Variants in MTO1 observed in about 807,000 individuals in gnomAD.
MTO1 encodes the protein 5-taurinomethyluridine-[tRNA] synthase subunit MTO1, mitochondrial.
MTO1 carries 46 observed loss-of-function variants against 71.6 expected under a neutral mutation model. The observed-to-expected ratio is 0.64, with a 90% CI of 0.51 to 0.82. The LOEUF (loss-of-function observed/expected upper bound fraction) is 0.82, where lower values mean the gene tolerates loss of function less well. Among genes scored for constraint, MTO1 ranks in the 40% least tolerant of loss-of-function variants. The pLI is 0.00. For synonymous variants in MTO1, 297 were observed against 312.1 expected (o/e 0.95, Z 0.51); for missense variants, 773 against 867.5 (o/e 0.89, Z 1.37).
At position 73,461,974 on chromosome 6, in the gene MTO1, A is replaced by C; in HGVS notation, c.120A>C (p.Ile40=). 2 of 1,614,198 alleles carry C rather than the reference A, an allele frequency of 1.2e-6. No homozygotes were observed. Among genetic ancestry groups the C allele is most frequent in the African/African-American group, 2.7e-5 (2 of 75,064 alleles). Residue 40 remains isoleucine (I), a synonymous_variant, in exon 1 of 12, where the codon ATA becomes ATC. Transcript: ENST00000498286. The stretch of plus-strand genomic sequence containing the variant: ...CCCGGACTCCGCACTTCGACGTGAT[A>C]GTCATTGGTGGAGGACATGCCGGGA... ...AAPRTPHFDV[I]VIGGGHAGTE... is the part of the protein sequence containing the mutation.
At chr6:73,491,396 C>CAA (rs1223217073) in intron 9 of MTO1, among the ~76,000 whole-genome samples, 37 of 133,734 alleles carry the variant, frequency 2.8e-4, no homozygotes, top group East Asian at 1.1e-3. Flanking sequence ...CCTGTCTCTA[C>CAA]AAAAAAAAAA....
chr6:73,480,218 G>A (rs965899342), intron 6 of MTO1, 92 bp downstream of exon 6: 1 of 1,271,912 alleles, frequency 7.9e-7, no homozygotes, highest in Non-Finnish European at 1.1e-6. Context: ...GTTGTTCAGA[G>A]CCTCAGAAGA....
chr6:73,480,384 C>A, intron 6 of MTO1: 1 of 651,848 alleles, frequency 1.5e-6, no homozygotes, highest in Non-Finnish European at 2.8e-6. Context: ...GATTCTTCTG[C>A]CTCAGCCTCC....
intron 9 of MTO1, among the ~76,000 whole-genome samples, chr6:73,486,046 T>C (rs994631366): frequency 9.2e-5 from 14 of 152,202 alleles, no homozygotes; most frequent in Non-Finnish European, 4.4e-5. Context: ...TGCTAACTTA[T>C]CCATTCTTTG....
intron 9 of MTO1, among the ~76,000 whole-genome samples, chr6:73,485,597 C>T (rs1289879237): frequency 6.6e-6 from 1 of 152,126 alleles, no homozygotes; most frequent in Non-Finnish European, 1.5e-5. Context: ...TGCCACCATG[C>T]CTGGCTAATT....
chr6:73,471,399 T>G, intron 3 of MTO1: 1 of 449,860 alleles, frequency 2.2e-6, no homozygotes, highest in Non-Finnish European at 4.4e-6. Context: ...AGTATTTATG[T>G]TTATACCCTT....
chr6:73,487,355 C>T (rs559674881), intron 9 of MTO1, among the ~76,000 whole-genome samples: 1 of 151,864 alleles, frequency 6.6e-6, no homozygotes, highest in Admixed American at 6.6e-5. Flanking sequence ...GTAATCCCAG[C>T]TACTTTTTGT....
chr6:73,472,154 T>C (rs1321580365), intron 3 of MTO1, among the ~76,000 whole-genome samples: 1 of 152,220 alleles, frequency 6.6e-6, no homozygotes, highest in Non-Finnish European at 1.5e-5. Flanking sequence ...CTCATTGATA[T>C]ATCTTCTCTT....
At chr6:73,480,864 T>C in intron 7 of MTO1, 59 bp downstream of exon 7, 2 of 1,554,470 alleles carry the variant, frequency 1.3e-6, no homozygotes, top group South Asian at 2.3e-5. Flanking sequence ...TATTTCTCCT[T>C]TTAATGTCTG....
chr6:73,477,778 AT>A (rs2150034366), intron 4 of MTO1, among the ~76,000 whole-genome samples: 1 of 151,710 alleles, frequency 6.6e-6, no homozygotes, highest in South Asian at 2.1e-4. Flanking sequence ...AAGTGCTGGG[AT>A]TACAAGTATG....
intron 10 of MTO1, among the ~76,000 whole-genome samples, chr6:73,492,994 A>G (rs200065238): frequency 0.63 from 40,106 of 63,418 alleles, 10,491 homozygotes; most frequent in Non-Finnish European, 0.68. Flanking sequence ...GTGTGTGTGT[A>G]TTTTTTTTTT....
At chr6:73,494,998 G>T (rs1030183328) in intron 10 of MTO1, among the ~76,000 whole-genome samples, 1 of 151,940 alleles carries the variant, frequency 6.6e-6, no homozygotes, top group Admixed American at 6.6e-5. Context: ...GGCCAGGCTG[G>T]TCTCAAACAC....
rs377478097 is a variant in MTO1 at position 73,506,980 on chromosome 6, C to T, written c.*6245C>T. 4 of 90,746 alleles carry T rather than the reference C, an allele frequency of 4.4e-5. No homozygotes were observed. Among genetic ancestry groups the T allele is most frequent in the African/African-American group, 1.2e-4 (3 of 24,710 alleles). 5.6% of individuals were successfully genotyped at this position (90,746 alleles called of 1,614,324 possible). On this transcript the variant is annotated 3_prime_UTR_variant, in exon 12 of 12. Coordinates refer to ENST00000498286, the MANE Select transcript of MTO1 (RefSeq NM_012123.4). ...GGTGGATGACCTCTGGGATTACAGG[C>T]GTGCGCCACCGCGCTCGGTCTATAT...
intron 9 of MTO1, chr6:73,492,028 G>C (rs1350665032): frequency 4.8e-6 from 2 of 414,996 alleles, no homozygotes; most frequent in South Asian, 5.2e-5. Flanking sequence ...CTTGAACCCA[G>C]CAGGTGGGGA....
rs1772310180 is a variant in MTO1, at chr6:73,507,063, T to C, written c.*6328T>C. On this transcript the variant is annotated 3_prime_UTR_variant, in exon 12 of 12. Transcript: ENST00000498286. ...TTTAGTATCTCTAAGTTGGAGTATG[T>C]CTTACAATTAATGGCATCTGACAGT... 1 of 151,558 alleles carries C rather than the reference T, an allele frequency of 6.6e-6. No individual in the cohort carries two copies. Among genetic ancestry groups the C allele is most frequent in the South Asian group, 2.1e-4 (1 of 4,788 alleles). The allele number at this position is 151,558 out of a possible 1,614,324, so 9.4% of individuals were successfully genotyped here.
Position 73,491,742 on chromosome 6 carries a change from G to T in MTO1, c.1638-492G>T, listed in dbSNP as rs977341785. Among the ~76,000 whole-genome samples, 21 of 152,346 alleles carry T rather than the reference G, an allele frequency of 1.4e-4. 1 individual carries two copies. The highest frequency in any genetic ancestry group is 5.0e-4 in the African/African-American group (21 of 41,588). On this transcript the variant is annotated intron_variant, in intron 9 of 11. Transcript: ENST00000498286. ...AGCAACTTAATTCTCCAGATAAGGA[G>T]TTGGGGAAAATCAAATAATACATCT...
In MTO1 at chr6:73,486,107, G is replaced by A. The variant is rs542517382; in HGVS notation, c.1637+3487G>A. Among the ~76,000 whole-genome samples the A allele has an allele frequency of 3.9e-5, 6 of 152,274 alleles. No homozygotes were observed. In the South Asian group the frequency reaches 6.2e-4, roughly 16 times the overall value. ...GGCTTGATTCAAAGCAGTTCTTGAA[G>A]TTTGGAGTTGAGAATAGCTCAAAGC... On this transcript the variant is annotated intron_variant, in intron 9 of 11. Transcript: ENST00000498286.
intron 11 of MTO1, among the ~76,000 whole-genome samples, chr6:73,498,731 CT>C (rs879871707): frequency 9.5e-4 from 138 of 145,602 alleles, no homozygotes; most frequent in Admixed American, 1.1e-3. Flanking sequence ...AAAATTGCAT[CT>C]TTTTTTTTTT....
intron 10 of MTO1, among the ~76,000 whole-genome samples, chr6:73,492,968 A>ATGTGTGTGTG (rs368351300): frequency 0.1 from 6,902 of 67,822 alleles, 563 homozygotes; most frequent in Middle Eastern, 0.14. Context: ...TATATAATAT[A>ATGTGTGTGTG]TGTGTGTGTG....
Sources: allele counts gnomAD v4.1 joint callset (sites outside exome capture counted in the v4.1 genomes callset), GRCh38; gene constraint gnomAD v4.1.1; transcripts MANE v1.5; gene names NCBI Gene and HGNC (gene_info 2026-07-23, HGNC 2026-07-21).